The following KLF8 variants were observed in gnomAD, a reference collection of about 807,000 sequenced individuals.
KLF8 encodes KLF transcription factor 8.
KLF8 carries 10 observed loss-of-function variants against 18.2 expected under a neutral mutation model. That is an observed-to-expected ratio of 0.55 (90% CI 0.34 to 0.93). The LOEUF (loss-of-function observed/expected upper bound fraction) is 0.93. Among genes scored for constraint, KLF8 ranks in the 40% least tolerant of loss-of-function variants. The pLI is 0.02. For synonymous variants in KLF8, 109 were observed against 97.3 expected (o/e 1.12, Z -0.71); for missense variants, 264 against 277.9 (o/e 0.95, Z 0.36).
chrX:56,227,186 T>C, the KLF8 span, among the ~76,000 whole-genome samples: 1 of 111,623 alleles, frequency 9.0e-6, no homozygotes, highest in Non-Finnish European at 1.9e-5. Flanking sequence ...CTGCTTGTGG[T>C]AAGTAACACA....
At chrX:56,229,813 G>A (rs1434054582), upstream of KLF8, among the ~76,000 whole-genome samples, 4 of 111,266 alleles carry the variant, frequency 3.6e-5, no homozygotes, top group East Asian at 5.6e-4. Flanking sequence ...TCATTCCACC[G>A]CCCCCCAACA....
At chrX:56,253,724 C>T (rs915883442) in intron 2 of KLF8, among the ~76,000 whole-genome samples, 27 of 89,707 alleles carry the variant, frequency 3.0e-4, no homozygotes, top group African/African-American at 1.1e-3. Context: ...TTTCGGATTT[C>T]GTTTTTCTAT....
the KLF8 span, among the ~76,000 whole-genome samples, chrX:56,079,369 A>G: frequency 9.0e-6 from 1 of 110,996 alleles, no homozygotes; most frequent in East Asian, 2.8e-4. Flanking sequence ...TTCAAAGAAC[A>G]TCTTTATTTC....
chrX:56,180,040 T>G, the KLF8 span, among the ~76,000 whole-genome samples: 1 of 111,652 alleles, frequency 9.0e-6, no homozygotes, highest in Non-Finnish European at 1.9e-5. Flanking sequence ...CTTTTTCTAT[T>G]GATTGGAATA....
chrX:56,152,136 G>T, the KLF8 span, among the ~76,000 whole-genome samples: 3 of 111,940 alleles, frequency 2.7e-5, no homozygotes, highest in Non-Finnish European at 5.6e-5. Context: ...CATTTGAAAA[G>T]AATATATCCT....
At chrX:56,281,243 C>A (rs556677063) in intron 5 of KLF8, among the ~76,000 whole-genome samples, 1 of 111,249 alleles carries the variant, frequency 9.0e-6, no homozygotes, top group African/African-American at 3.3e-5. Flanking sequence ...AAGGATGTTC[C>A]ATGCTCCAAG....
the KLF8 span, among the ~76,000 whole-genome samples, chrX:56,102,822 T>C: frequency 1.8e-5 from 2 of 110,870 alleles, no homozygotes; most frequent in Non-Finnish European, 3.8e-5. Flanking sequence ...TGCATATGTA[T>C]ACATGTGACA....
chrX:55,964,330 C>A, the KLF8 span, among the ~76,000 whole-genome samples: 10 of 112,433 alleles, frequency 8.9e-5, no homozygotes, highest in South Asian at 3.7e-3. Context: ...ATTCCCAGCA[C>A]TTTGGGAGGC....
chrX:56,144,576 C>T, the KLF8 span, among the ~76,000 whole-genome samples: 1 of 106,981 alleles, frequency 9.3e-6, no homozygotes, highest in East Asian at 3.0e-4. Context: ...GGTGAAACCT[C>T]GTCTCTACTA....
chrX:55,954,455 G>A, the KLF8 span, among the ~76,000 whole-genome samples: 1 of 111,587 alleles, frequency 9.0e-6, no homozygotes, highest in African/African-American at 3.2e-5. Context: ...CACATCCTTA[G>A]TCATTAGGAA....
chrX:56,003,919 C>A, the KLF8 span, among the ~76,000 whole-genome samples: 1 of 112,356 alleles, frequency 8.9e-6, no homozygotes, highest in African/African-American at 3.2e-5. Flanking sequence ...TGTTATTCAC[C>A]AACTTTGTAC....
At chrX:56,271,927 G>A (rs997825704) in intron 5 of KLF8, among the ~76,000 whole-genome samples, 1 of 111,352 alleles carries the variant, frequency 9.0e-6, no homozygotes, top group African/African-American at 3.3e-5. Context: ...AGTGTAGGCA[G>A]GTTGGAAATT....
the KLF8 span, among the ~76,000 whole-genome samples, chrX:55,923,740 GTGTGTA>G: frequency 1.3e-5 from 1 of 79,642 alleles, no homozygotes; most frequent in African/African-American, 4.3e-5. Context: ...GTGTGTGTGT[GTGTGTA>G]TATCTGTATA....
chrX:56,064,586 TTG>T, the KLF8 span, among the ~76,000 whole-genome samples: 1 of 111,787 alleles, frequency 8.9e-6, no homozygotes, highest in African/African-American at 3.2e-5. Flanking sequence ...TATATATTCT[TTG>T]TTTCTTTATT....
the KLF8 span, among the ~76,000 whole-genome samples, chrX:56,052,886 T>C: frequency 9.0e-6 from 1 of 111,143 alleles, no homozygotes; most frequent in African/African-American, 3.3e-5. Flanking sequence ...CCTTGCAGTT[T>C]GATGTCAGAC....
chrX:56,118,086 C>T, the KLF8 span, among the ~76,000 whole-genome samples: 3 of 111,445 alleles, frequency 2.7e-5, no homozygotes, highest in South Asian at 1.1e-3. Context: ...TTTCTACCTC[C>T]TAATGCCATC....
chrX:55,993,263 C>T, the KLF8 span, among the ~76,000 whole-genome samples: 2 of 111,453 alleles, frequency 1.8e-5, no homozygotes, highest in African/African-American at 3.3e-5. Context: ...ATTATTTTGA[C>T]GTGTGTTCCT....
At chrX:56,158,597 G>T in the KLF8 span, among the ~76,000 whole-genome samples, 4 of 111,409 alleles carry the variant, frequency 3.6e-5, no homozygotes, top group East Asian at 5.6e-4. Context: ...CCTTGAAGAG[G>T]TCCTTCACAT....
chrX:56,211,845 C>A, the KLF8 span, among the ~76,000 whole-genome samples: 2 of 110,237 alleles, frequency 1.8e-5, no homozygotes, highest in African/African-American at 6.6e-5. Flanking sequence ...ACCTGAGGTA[C>A]AAGACAAGGT....
Sources: allele counts gnomAD v4.1 joint callset (sites outside exome capture counted in the v4.1 genomes callset), GRCh38; gene constraint gnomAD v4.1.1; transcripts MANE v1.5; gene names NCBI Gene and HGNC (gene_info 2026-07-23, HGNC 2026-07-21).